NOSIP: variants seen among roughly 807,000 people sequenced by gnomAD.
NOSIP encodes the protein nitric oxide synthase-interacting protein.
Under a neutral mutation model 36.4 loss-of-function variants are expected in NOSIP, and 25 were observed. The observed-to-expected ratio is 0.69, with a 90% CI of 0.50 to 0.96. The LOEUF (loss-of-function observed/expected upper bound fraction) is 0.96. NOSIP is among the 40% of genes least tolerant of loss of function. The pLI is 0.00. For missense variants in NOSIP, 370 were observed against 429.0 expected (o/e 0.86, Z 1.21); for synonymous variants, 187 against 179.2 (o/e 1.04, Z -0.35).
Position 49,555,906 on chromosome 19 carries a change from G to A in NOSIP, c.835-84C>T, listed in dbSNP as rs2080231305. On this transcript the variant is annotated intron_variant, in intron 8 of 8. Coordinates refer to ENST00000596358, the MANE Select transcript of NOSIP (RefSeq NM_001270960.2). ...TCCAGGTGGTAGTGGGGATTCCTAA[G>A]CGGGTCAAGGTGAAGCGGGTTGCTG... 12 of 1,010,550 alleles carry A rather than the reference G, an allele frequency of 1.2e-5. No homozygotes were observed. In the East Asian group the frequency reaches 2.7e-4, roughly 22 times the overall value. 62.6% of individuals were successfully genotyped at this position (1,010,550 alleles called of 1,614,324 possible).
intron 1 of NOSIP, among the ~76,000 whole-genome samples, chr19:49,566,039 TG>T (rs955296411): frequency 6.6e-6 from 1 of 151,842 alleles, no homozygotes; most frequent in African/African-American, 2.4e-5. Flanking sequence ...TTTTTTTTTT[TG>T]AGACAGTCTC....
intron 1 of NOSIP, among the ~76,000 whole-genome samples, chr19:49,568,560 T>G (rs2080440591): frequency 6.6e-6 from 1 of 152,052 alleles, no homozygotes; most frequent in Admixed American, 6.6e-5. Flanking sequence ...TGGAATAAAT[T>G]CACATTTTCA....
chr19:49,559,660 G>C (rs769752004), intron 3 of NOSIP: 7 of 473,004 alleles, frequency 1.5e-5, no homozygotes, highest in Non-Finnish European at 2.7e-5. Flanking sequence ...TAGGTCATGG[G>C]AAGTGTCCAA....
chr19:49,565,300 G>A (rs1335399704), intron 1 of NOSIP, among the ~76,000 whole-genome samples: 2 of 151,762 alleles, frequency 1.3e-5, no homozygotes, highest in African/African-American at 2.4e-5. Context: ...GTGCCTTTGG[G>A]AGGCAGAAGG....
chr19:49,570,224 C>T (rs2080467349), intron 1 of NOSIP, among the ~76,000 whole-genome samples: 1 of 152,146 alleles, frequency 6.6e-6, no homozygotes, highest in African/African-American at 2.4e-5. Flanking sequence ...AAGTAGGATC[C>T]AGAAGTTGGG....
At chr19:49,570,919 C>T (rs1310251206) in intron 1 of NOSIP, among the ~76,000 whole-genome samples, 4 of 152,088 alleles carry the variant, frequency 2.6e-5, no homozygotes, top group African/African-American at 9.7e-5. Context: ...TAGATGGGGA[C>T]ATTTTCCCTC....
In NOSIP at chr19:49,568,801, TG is replaced by T. The variant is rs201855238; in HGVS notation, c.-1-8110del. Among the ~76,000 whole-genome samples, 135 of 118,708 alleles carry T rather than the reference TG, an allele frequency of 1.1e-3. 7 individuals are homozygous for T. The highest frequency in any genetic ancestry group is 5.2e-3 in the South Asian group (22 of 4,196). 77.9% of individuals were successfully genotyped at this position (118,708 alleles called of 152,430 possible). A position where few individuals can be genotyped will look rare whatever the true frequency, so the allele number is the denominator to read the frequency against. ...CTCTAAAAAAAAAAAAAAAATAGTT[TG>T]TTTGTTTGTTTTTTTTTTTGAGACA... On this transcript the variant is annotated intron_variant, in intron 1 of 8. Coordinates refer to ENST00000596358, the MANE Select transcript of NOSIP (RefSeq NM_001270960.2).
chr19:49,558,253 T>TC (rs1161048066), intron 4 of NOSIP: 2 of 141,910 alleles, frequency 1.4e-5, no homozygotes, highest in Non-Finnish European at 3.2e-5. Flanking sequence ...ATCTTTTTTT[T>TC]TTTTTTTTTT....
At chr19:49,567,343 G>A (rs1427876629) in intron 1 of NOSIP, among the ~76,000 whole-genome samples, 5 of 149,800 alleles carry the variant, frequency 3.3e-5, no homozygotes, top group East Asian at 2.0e-4. Context: ...GGATGGTCTC[G>A]ATCTCCTGAC....
intron 4 of NOSIP, chr19:49,557,604 CAGCTA>C (rs1327479740): frequency 1.6e-5 from 19 of 1,159,634 alleles, no homozygotes; most frequent in Non-Finnish European, 2.0e-5. Flanking sequence ...ACCTGGCACT[CAGCTA>C]AGCATTTAAT....
rs769628946 is a variant in NOSIP, at chr19:49,555,798, C to T, written c.859G>A (p.Gly287Arg). 2.5e-6 allele frequency: 4 copies of T among 1,613,396 alleles called. No individual in the cohort carries two copies. In the East Asian group the frequency reaches 6.7e-5, roughly 27 times the overall value. ...GATTTCTCCGCTTGCAGCTTCACTC[C>T]GGAGCCCGCGAAGCCGGTACCGCCC... is the stretch of plus-strand genomic sequence containing the variant. ...QRGGTGFAGS[G>R]VKLQAEKSRP... Residue 287 changes from glycine to arginine, a missense_variant, in exon 9 of 9, where the codon GGA becomes AGA. Physicochemically the swap from Gly to Arg is moderately radical, Grantham distance 125. Coordinates refer to ENST00000596358, the MANE Select transcript of NOSIP (RefSeq NM_001270960.2).
intron 8 of NOSIP, 97 bp from the exon 9 acceptor site, chr19:49,555,919 A>T: frequency 2.3e-6 from 2 of 876,878 alleles, no homozygotes; most frequent in South Asian, 2.9e-5. Context: ...GGTCAAGGTG[A>T]AGCGGGTTGC....
intron 1 of NOSIP, among the ~76,000 whole-genome samples, chr19:49,572,406 C>CTTTTT (rs35209614): frequency 1.0e-4 from 10 of 97,942 alleles, no homozygotes; most frequent in Non-Finnish European, 1.9e-4. Flanking sequence ...TGCACCCAGC[C>CTTTTT]TTTTTTTTTT....
chr19:49,567,184 G>A (rs1174020768), intron 1 of NOSIP, among the ~76,000 whole-genome samples: 9 of 139,758 alleles, frequency 6.4e-5, no homozygotes, highest in Admixed American at 3.8e-4. Flanking sequence ...GTGCAGTGGC[G>A]CGATCTCGGC....
At chr19:49,561,910 T>C (rs2080340651) in intron 1 of NOSIP, among the ~76,000 whole-genome samples, 1 of 151,722 alleles carries the variant, frequency 6.6e-6, no homozygotes, top group Non-Finnish European at 1.5e-5. Context: ...AGACATTGCC[T>C]AAGCCAAGAT....
chr19:49,556,186 C>G (rs1267153634), intron 8 of NOSIP, 131 bp downstream of exon 8: 65 of 354,582 alleles, frequency 1.8e-4, no homozygotes, highest in South Asian at 2.1e-4. Flanking sequence ...GGGGGGGCGG[C>G]CTTACAGAGC....
chr19:49,563,222 C>A (rs1822071859), intron 1 of NOSIP, among the ~76,000 whole-genome samples: 1 of 151,600 alleles, frequency 6.6e-6, no homozygotes, highest in South Asian at 2.1e-4. Flanking sequence ...GTTGTCCAGG[C>A]TGGAGTGCAG....
Position 49,560,413 on chromosome 19 carries a change from G to GT in NOSIP, c.70+208dup. On this transcript the variant is annotated intron_variant, in intron 2 of 8. Coordinates refer to ENST00000596358, the MANE Select transcript of NOSIP (RefSeq NM_001270960.2). This position sits in a 1 kb window ranked among gnomAD's most constrained non-coding sequence, Gnocchi z 4.6. Reference sequence around the variant, plus strand: ...CCTCCCTGACACTCTGTTGGGAGGAGTGAGTTCATGCGCAGAAGGCAGAGA... The same window carrying GT: ...CCTCCCTGACACTCTGTTGGGAGGAGTTGAGTTCATGCGCAGAAGGCAGAGA... The GT allele has an allele frequency of 1.7e-6, 1 of 599,178 alleles. No individual in the cohort carries two copies. The highest frequency in any genetic ancestry group is 4.2e-4 in the Middle Eastern group (1 of 2,390). 37.1% of individuals were successfully genotyped at this position (599,178 alleles called of 1,614,324 possible).
At chr19:49,555,915 G>A in intron 8 of NOSIP, 93 bp from the exon 9 acceptor site, 1 of 892,036 alleles carries the variant, frequency 1.1e-6, no homozygotes, top group Non-Finnish European at 1.8e-6. Flanking sequence ...AGCGGGTCAA[G>A]GTGAAGCGGG....
Sources: allele counts gnomAD v4.1 joint callset (sites outside exome capture counted in the v4.1 genomes callset), GRCh38; gene constraint gnomAD v4.1.1; non-coding constraint Gnocchi (gnomAD v3.1); transcripts MANE v1.5; gene names NCBI Gene and HGNC (gene_info 2026-07-23, HGNC 2026-07-21).